The following UPP2 variants were observed in gnomAD, a reference collection of about 807,000 sequenced individuals.
UPP2 encodes UPase 2.
In UPP2, 23 loss-of-function variants were observed where a neutral mutation model predicts 26.7. The ratio of observed to expected loss-of-function variants is 0.86; its 90% CI spans 0.62 to 1.22. UPP2 has a LOEUF of 1.22. Among genes scored for constraint, UPP2 ranks in the 50% most tolerant of loss-of-function variants. The pLI, the probability that UPP2 is intolerant of heterozygous loss-of-function variation, is 0.00. For missense variants in UPP2, 387 were observed against 396.7 expected, an observed-to-expected ratio of 0.98 and a Z score of 0.21; for synonymous variants, 127 against 141.3, an observed-to-expected ratio of 0.90 and a Z score of 0.72.
chr2:158,135,030 C>T lies in UPP2; in HGVS notation c.*140C>T. ...GAAAGACTTTATGAAATCCTTCTCT[C>T]TTAAAAAGGAATTTATTGTAAAAGA... On this transcript the variant is annotated 3_prime_UTR_variant, in exon 7 of 7. Coordinates refer to ENST00000005756, the MANE Select transcript of UPP2 (RefSeq NM_173355.4). 2 of 1,018,954 alleles carry T rather than the reference C, an allele frequency of 2.0e-6. No individual in the cohort carries two copies. Among genetic ancestry groups the T allele is most frequent in the Non-Finnish European group, 2.6e-6 (2 of 760,660 alleles). The allele number at this position is 1,018,954 out of a possible 1,614,324, so 63.1% of individuals were successfully genotyped here.
chr2:158,034,808 T>C (rs1683975555), intron 3 of UPP2, among the ~76,000 whole-genome samples: 1 of 152,192 alleles, frequency 6.6e-6, no homozygotes, highest in South Asian at 2.1e-4. Flanking sequence ...AGCCTTAAGA[T>C]TCTCCTTCAA....
Position 158,069,093 on chromosome 2 carries a change from G to T in UPP2, c.148-32947G>T, listed in dbSNP as rs1011348705. ...CCCAAAGTGCTAGGATTACAGGCAC[G>T]ATCAAACTCAAAATTTTAAGGCTTT... On this transcript the variant is annotated intron_variant, in intron 3 of 9. Coordinates refer to the UPP2 transcript ENST00000605860. 9.9e-5 allele frequency among the ~76,000 whole-genome samples: 15 copies of T among 151,778 alleles called. 1 individual carries two copies. In the South Asian group the frequency reaches 1.9e-3, roughly 19 times the overall value.
intron 6 of UPP2, among the ~76,000 whole-genome samples, chr2:158,127,141 C>T (rs1425066527): frequency 2.0e-5 from 3 of 152,190 alleles, no homozygotes; most frequent in African/African-American, 7.2e-5. Flanking sequence ...ATTATCTTTG[C>T]AGTTAGTATT....
intron 3 of UPP2, among the ~76,000 whole-genome samples, chr2:158,021,469 G>C (rs1558905941): frequency 6.6e-6 from 1 of 152,218 alleles, no homozygotes. Context: ...ACCAGGGAAA[G>C]CCTAACACAT....
chr2:158,130,310 T>A (rs1683786892), intron 6 of UPP2, among the ~76,000 whole-genome samples: 1 of 151,672 alleles, frequency 6.6e-6, no homozygotes, highest in African/African-American at 2.4e-5. Flanking sequence ...AATTAGCCGG[T>A]CATGGTGGTG....
chr2:158,095,134 T>C (rs1203658236), intron 3 of UPP2, among the ~76,000 whole-genome samples: 3 of 152,146 alleles, frequency 2.0e-5, no homozygotes, highest in East Asian at 3.9e-4. Flanking sequence ...AGTTGGGCCC[T>C]GCTATTTGGG....
intron 3 of UPP2, among the ~76,000 whole-genome samples, chr2:158,048,074 G>C (rs926053882): frequency 1.3e-5 from 2 of 152,162 alleles, no homozygotes; most frequent in Admixed American, 1.3e-4. Context: ...AGGATTAAGG[G>C]GTGAGGCTTC....
intron 1 of UPP2, among the ~76,000 whole-genome samples, chr2:158,102,378 G>A (rs906445123): frequency 1.3e-5 from 2 of 152,138 alleles, no homozygotes; most frequent in African/African-American, 4.8e-5. Flanking sequence ...TAAAAAACAT[G>A]CAAAAGTTTA....
At chr2:158,007,488 T>C (rs143183515) in intron 2 of UPP2, among the ~76,000 whole-genome samples, 334 of 152,308 alleles carry the variant, frequency 2.2e-3, no homozygotes, top group Admixed American at 4.1e-3. Flanking sequence ...GCAACCAGCT[T>C]GTCTTGAGGG....
rs541691779 is a variant in UPP2, at chr2:158,054,935, C to A, written c.147+39049C>A. On this transcript the variant is annotated intron_variant, in intron 3 of 9. Coordinates refer to the UPP2 transcript ENST00000605860. ...TTTTAATCTTGCAAAACTGAAACTC[C>A]GTACCCATTAGACTAAACTTCCCAT... Among the ~76,000 whole-genome samples the A allele has an allele frequency of 3.3e-5, 5 of 152,236 alleles. No individual in the cohort carries two copies. The South Asian group carries it at 8.3e-4, about 25-fold the overall frequency.
upstream of UPP2, among the ~76,000 whole-genome samples, chr2:158,100,944 G>A (rs142461200): frequency 2.5e-3 from 374 of 152,300 alleles, 1 homozygote; most frequent in African/African-American, 8.3e-3. Flanking sequence ...ACTGTCACCA[G>A]GAAGAGGAGC....
intron 2 of UPP2, 142 bp from the exon 3 acceptor site, chr2:158,114,959 A>C: frequency 1.4e-6 from 1 of 738,056 alleles, no homozygotes; most frequent in Non-Finnish European, 1.9e-6. Context: ...AAATTAGCTA[A>C]TTCATGGAAC....
At chr2:158,030,062 A>C (rs561467535) in intron 3 of UPP2, among the ~76,000 whole-genome samples, 1 of 152,182 alleles carries the variant, frequency 6.6e-6, no homozygotes, top group South Asian at 2.1e-4. Flanking sequence ...ACTGTTAGGA[A>C]AGTTTATGGT....
At chr2:158,037,526 C>G (rs928610037) in intron 3 of UPP2, among the ~76,000 whole-genome samples, 6 of 152,150 alleles carry the variant, frequency 3.9e-5, no homozygotes, top group African/African-American at 9.7e-5. Context: ...CAAGTGTCAG[C>G]AGGGTGAATT....
intron 3 of UPP2, among the ~76,000 whole-genome samples, chr2:158,020,675 G>T (rs1293346051): frequency 6.6e-6 from 1 of 152,180 alleles, no homozygotes; most frequent in Non-Finnish European, 1.5e-5. Context: ...GGTTCACAGG[G>T]CATGCACCAG....
intron 3 of UPP2, chr2:158,015,904 C>T (rs555521770): frequency 3.0e-5 from 13 of 432,580 alleles, no homozygotes; most frequent in African/African-American, 2.6e-4. Flanking sequence ...AATTAAACCT[C>T]TTTTGTTCAT....
At chr2:158,030,914 G>A (rs1293201705) in intron 3 of UPP2, among the ~76,000 whole-genome samples, 3 of 152,206 alleles carry the variant, frequency 2.0e-5, no homozygotes, top group Non-Finnish European at 4.4e-5. Context: ...CCTCTTGGGA[G>A]CTTAGCATCT....
chr2:158,026,647 G>C (rs1232663041), intron 3 of UPP2, among the ~76,000 whole-genome samples: 1 of 152,144 alleles, frequency 6.6e-6, no homozygotes, highest in Non-Finnish European at 1.5e-5. Flanking sequence ...GCTTCCCAAA[G>C]TTGGCCACAC....
intron 3 of UPP2, among the ~76,000 whole-genome samples, chr2:158,059,560 G>T (rs894462444): frequency 2.0e-5 from 3 of 152,152 alleles, no homozygotes; most frequent in Admixed American, 2.0e-4. Context: ...TAAGCACCTT[G>T]CTGGCACAAA....
Sources: allele counts gnomAD v4.1 joint callset (sites outside exome capture counted in the v4.1 genomes callset), GRCh38; gene constraint gnomAD v4.1.1; transcripts MANE v1.5; gene names NCBI Gene and HGNC (gene_info 2026-07-23, HGNC 2026-07-21).